SPECC1: variants seen among roughly 807,000 people sequenced by gnomAD.
SPECC1 encodes the protein sperm antigen with calponin homology and coiled-coil domains 1.
Under a neutral mutation model 104.1 loss-of-function variants are expected in SPECC1, and 62 were observed. The observed-to-expected ratio is 0.60, with a 90% CI of 0.49 to 0.74. The LOEUF is 0.74. Among genes scored for constraint, SPECC1 ranks in the 30% least tolerant of loss-of-function variants. SPECC1 has a pLI of 0.00. For missense variants in SPECC1, 1,306 were observed against 1,310.5 expected (o/e 1.00, Z 0.05); for synonymous variants, 513 against 501.6 (o/e 1.02, Z -0.30).
At chr17:20,032,219 C>T (rs2152443340) in intron 1 of SPECC1, among the ~76,000 whole-genome samples, 2 of 152,194 alleles carry the variant, frequency 1.3e-5, no homozygotes, top group South Asian at 4.1e-4. Context: ...TGACTTACAG[C>T]ATTTTTACCA....
chr17:20,195,904 C>A (rs1320899233), intron 3 of SPECC1, among the ~76,000 whole-genome samples: 1 of 152,030 alleles, frequency 6.6e-6, no homozygotes, highest in Non-Finnish European at 1.5e-5. Flanking sequence ...TCTAAGAAAC[C>A]AATTTTAATT....
intron 1 of SPECC1, among the ~76,000 whole-genome samples, chr17:20,059,051 A>G (rs1436474694): frequency 6.6e-6 from 1 of 151,666 alleles, no homozygotes; most frequent in Non-Finnish European, 1.5e-5. Flanking sequence ...CGTTTTAGCC[A>G]GGATGGTCTC....
rs574726982 is a variant in SPECC1 at position 20,036,872 on chromosome 17, C to T, written c.-22+27448C>T. 6.5e-4 allele frequency among the ~76,000 whole-genome samples: 99 copies of T among 152,292 alleles called. 1 individual carries two copies. The highest frequency in any genetic ancestry group is 2.2e-3 in the African/African-American group (91 of 41,564). ...AATAAGAGCAATGAGAGTGAACATC[C>T]TTGCTTTGTTCCTGATCGTAGGGGA... On this transcript the variant is annotated intron_variant, in intron 1 of 14. Transcript: ENST00000395527.
intron 1 of SPECC1, among the ~76,000 whole-genome samples, chr17:20,051,075 T>TTC (rs1567813278): frequency 1.2e-4 from 7 of 58,760 alleles, no homozygotes; most frequent in African/African-American, 4.1e-4. Context: ...TCTTTTTCTT[T>TTC]CTTTCTTTCT....
At chr17:20,240,129 C>G (rs2039136679) in intron 7 of SPECC1, among the ~76,000 whole-genome samples, 1 of 120,224 alleles carries the variant, frequency 8.3e-6, no homozygotes, top group South Asian at 3.0e-4. Flanking sequence ...CACAGAGAGA[C>G]TGGTATCGAA....
chr17:20,162,263 A>G (rs2033231223), intron 3 of SPECC1, among the ~76,000 whole-genome samples: 2 of 152,068 alleles, frequency 1.3e-5, no homozygotes, highest in South Asian at 4.2e-4. Flanking sequence ...CTCCTGCCTC[A>G]GCCTCCCAAG....
chr17:20,290,682 T>C (rs2041134415), intron 12 of SPECC1, among the ~76,000 whole-genome samples: 1 of 152,128 alleles, frequency 6.6e-6, no homozygotes, highest in Non-Finnish European at 1.5e-5. Flanking sequence ...GCCTGGCTAA[T>C]TTTTAAATTT....
At chr17:20,050,729 G>T (rs1226262526) in intron 1 of SPECC1, among the ~76,000 whole-genome samples, 1 of 152,168 alleles carries the variant, frequency 6.6e-6, no homozygotes, top group South Asian at 2.1e-4. Flanking sequence ...ATTGTCAGAG[G>T]ACAGTAGGAT....
At chr17:20,178,084 G>A (rs892411175) in intron 3 of SPECC1, among the ~76,000 whole-genome samples, 4 of 151,788 alleles carry the variant, frequency 2.6e-5, no homozygotes, top group East Asian at 1.9e-4. Context: ...GCAGTGGTAC[G>A]ATCACTGCTC....
chr17:20,151,866 T>C (rs1298187744), intron 3 of SPECC1, among the ~76,000 whole-genome samples: 2 of 152,026 alleles, frequency 1.3e-5, no homozygotes, highest in African/African-American at 4.8e-5. Flanking sequence ...CTGACCAACA[T>C]GGTGAAACCC....
intron 1 of SPECC1, among the ~76,000 whole-genome samples, chr17:20,035,671 CTA>C (rs1190475409): frequency 1.3e-5 from 2 of 151,978 alleles, no homozygotes; most frequent in Non-Finnish European, 2.9e-5. Flanking sequence ...AGCACAGCAG[CTA>C]TTCACAGGCA....
At chr17:20,186,602 C>T (rs182235197) in intron 3 of SPECC1, among the ~76,000 whole-genome samples, 9 of 152,340 alleles carry the variant, frequency 5.9e-5, no homozygotes, top group East Asian at 5.8e-4. Flanking sequence ...TCACTCCCAT[C>T]GCTCAGGCTG....
chr17:20,301,952 C>G (rs868566202), intron 13 of SPECC1, among the ~76,000 whole-genome samples: 1 of 152,134 alleles, frequency 6.6e-6, no homozygotes, highest in Non-Finnish European at 1.5e-5. Flanking sequence ...GTGATCCACC[C>G]GCTTGGGCCT....
At chr17:20,199,399 T>G (rs1375019322) in intron 3 of SPECC1, among the ~76,000 whole-genome samples, 3 of 144,238 alleles carry the variant, frequency 2.1e-5, no homozygotes, top group Non-Finnish European at 3.0e-5. Flanking sequence ...TTTTTTTTTT[T>G]TTTTTTTTTT....
Position 20,205,817 on chromosome 17 carries a change from G to A in SPECC1, c.1768G>A (p.Glu590Lys), listed in dbSNP as rs780561858. The part of the protein sequence containing the change: ...VQEMLKVARA[E>K]KDLLELSCNE... ...AGAAATGTTGAAAGTAGCCCGAGCA[G>A]AGAAAGATCTACTGGAACTGTCTTG... The change falls in exon 4 of 15, where the codon GAG (glutamate) becomes AAG (lysine). Residue 590 changes from glutamate (E) to lysine (K), a missense_variant. Coordinates refer to ENST00000395527, the MANE Select transcript of SPECC1 (RefSeq NM_001243439.2). 1.4e-5 allele frequency: 22 copies of A among 1,614,108 alleles called. No individual in the cohort carries two copies. The highest frequency in any genetic ancestry group is 1.8e-5 in the Non-Finnish European group (21 of 1,180,052).
chr17:20,194,213 A>G (rs2526490), intron 3 of SPECC1, among the ~76,000 whole-genome samples: 107,674 of 152,062 alleles, frequency 0.71, 39,932 homozygotes, highest in East Asian at 0.99. Flanking sequence ...GAGCCCCATC[A>G]TGGGTTTGTA....
Position 20,009,711 on chromosome 17 carries a change from C to T in SPECC1, c.-22+287C>T, listed in dbSNP as rs2043866907. Among the ~76,000 whole-genome samples the T allele has an allele frequency of 6.6e-6, 1 of 152,104 alleles. No homozygotes were observed. Among genetic ancestry groups the T allele is most frequent in the Non-Finnish European group, 1.5e-5 (1 of 67,964 alleles). On this transcript the variant is annotated intron_variant, in intron 1 of 14. Transcript: ENST00000395527. The surrounding 1 kb of genome is among the most constrained non-coding windows in gnomAD (Gnocchi z 5.2). The stretch of plus-strand genomic sequence containing the variant: ...CGGCAGGTGGCCGCCTCCTCCCCTC[C>T]GGGCCCGAGGGTTGTCGCAGGGACC...
chr17:20,187,644 G>A (rs2035369587), intron 3 of SPECC1, among the ~76,000 whole-genome samples: 1 of 152,114 alleles, frequency 6.6e-6, no homozygotes, highest in Admixed American at 6.6e-5. Context: ...TTTCAGTTAT[G>A]GGAGTCAAAA....
chr17:20,196,829 A>G (rs1180076234), intron 3 of SPECC1, among the ~76,000 whole-genome samples: 1 of 152,252 alleles, frequency 6.6e-6, no homozygotes, highest in African/African-American at 2.4e-5. Flanking sequence ...TAAAGCATTT[A>G]ACAAACTTAA....
Sources: gnomAD v4.1 joint callset for allele counts (sites outside exome capture counted in the v4.1 genomes callset) on GRCh38, gnomAD v4.1.1 for gene constraint, Gnocchi (gnomAD v3.1) non-coding constraint, MANE v1.5 for transcripts, NCBI Gene and HGNC (gene_info 2026-07-23, HGNC 2026-07-21) for gene names.